The following CCDC88C variants were observed in gnomAD, a reference collection of about 807,000 sequenced individuals.
CCDC88C encodes protein Daple.
Under a neutral mutation model 198.8 loss-of-function variants are expected in CCDC88C, and 131 were observed. The observed-to-expected ratio is 0.66, with a 90% CI of 0.57 to 0.76. The LOEUF is 0.76. CCDC88C is among the 30% of genes least tolerant of loss of function. The pLI is 0.00. For missense variants in CCDC88C, 2,553 were observed against 2,631.6 expected, an observed-to-expected ratio of 0.97 and a Z score of 0.65; for synonymous variants, 1,166 against 1,114.7, an observed-to-expected ratio of 1.05 and a Z score of -0.92.
At chr14:91,285,524 G>T in intron 25 of CCDC88C, 4 of 644,530 alleles carry the variant, frequency 6.2e-6, no homozygotes, top group Non-Finnish European at 9.5e-6. Context: ...CAGAATCCAC[G>T]CTGGCTACTT....
At position 91,362,433 on chromosome 14, in the gene CCDC88C, T is replaced by C. The variant is rs140434532; in HGVS notation, c.271-2722A>G. On this transcript the variant is annotated intron_variant, in intron 3 of 29. Transcript: ENST00000389857. The stretch of plus-strand genomic sequence containing the variant: ...CAATATGTGAAATCATCCTGTTTTG[T>C]TGTTTTGTTTTTTGAAATAATCTGA... 8.8e-5 allele frequency among the ~76,000 whole-genome samples: 12 copies of C among 136,394 alleles called. No homozygotes were observed. The East Asian group carries it at 2.0e-3, about 23-fold the overall frequency. 89.5% of individuals were successfully genotyped at this position (136,394 alleles called of 152,430 possible).
chr14:91,292,839 C>A (rs1596030226), intron 23 of CCDC88C, among the ~76,000 whole-genome samples: 1 of 152,278 alleles, frequency 6.6e-6, no homozygotes, highest in East Asian at 1.9e-4. Flanking sequence ...CGTCCCCTTG[C>A]CTTCTATTTC....
rs1435498498 is a variant in CCDC88C at position 91,366,146 on chromosome 14, TAA to T, written c.271-6437_271-6436del. On this transcript the variant is annotated intron_variant, in intron 3 of 29. Transcript: ENST00000389857. Reference sequence around the variant, plus strand: ...CAGCTGTGAACATGACAGACCTACTTAAAAAATACACACACACACACACACAC... The same window carrying T: ...CAGCTGTGAACATGACAGACCTACTTAAAATACACACACACACACACACAC... Among the ~76,000 whole-genome samples the T allele has an allele frequency of 2.4e-3, 299 of 125,608 alleles. 6 individuals carry two copies. In the East Asian group the frequency reaches 0.063, roughly 26 times the overall value. The allele number at this position is 125,608 out of a possible 152,430, so 82.4% of individuals were successfully genotyped here.
chr14:91,386,733 T>C (rs1168959955), intron 3 of CCDC88C, among the ~76,000 whole-genome samples: 1 of 152,236 alleles, frequency 6.6e-6, no homozygotes, highest in East Asian at 1.9e-4. Flanking sequence ...GAGGGAAGCC[T>C]TGTGGATTCC....
chr14:91,375,665 T>C (rs890477273), intron 3 of CCDC88C, among the ~76,000 whole-genome samples: 2 of 152,148 alleles, frequency 1.3e-5, no homozygotes, highest in Non-Finnish European at 1.5e-5. Flanking sequence ...GCTGTTCCCA[T>C]GGCCAAGCCA....
In CCDC88C at chr14:91,313,251, C is replaced by T; in HGVS notation, c.2565G>A (p.Leu855=). The change falls in exon 15 of 30, where the codon TTG becomes TTA. Residue 855 remains leucine (L), a synonymous_variant. Transcript: ENST00000389857. This position sits in a 1 kb window ranked among gnomAD's most constrained non-coding sequence, Gnocchi z 5.2. ...WQQVELKDAV[L]DDSTAKLSAV... ...CGGACAGTTTGGCAGTGCTATCGTCCAAGACTGCATCCTTGAGCTCCACCT... is the reference window on the plus strand; with the variant it reads ...CGGACAGTTTGGCAGTGCTATCGTCTAAGACTGCATCCTTGAGCTCCACCT... 6.2e-7 allele frequency: 1 copy of T among 1,614,028 alleles called. No individual in the cohort carries two copies. The highest frequency in any genetic ancestry group is 1.7e-5 in the Admixed American group (1 of 60,036).
At chr14:91,393,909 T>G (rs976073067) in intron 3 of CCDC88C, among the ~76,000 whole-genome samples, 13 of 152,292 alleles carry the variant, frequency 8.5e-5, no homozygotes, top group African/African-American at 2.9e-4. Flanking sequence ...ATGCCACAAA[T>G]TCTCACCCTA....
chr14:91,365,560 G>T (rs534774764), intron 3 of CCDC88C, among the ~76,000 whole-genome samples: 6 of 152,172 alleles, frequency 3.9e-5, no homozygotes, highest in Non-Finnish European at 8.8e-5. Context: ...CGTTCGCCAC[G>T]GGCTCAATGT....
chr14:91,380,817 C>T (rs1050965780), intron 3 of CCDC88C, among the ~76,000 whole-genome samples: 7 of 152,132 alleles, frequency 4.6e-5, no homozygotes, highest in African/African-American at 1.7e-4. Context: ...GTGGAAGCTG[C>T]AGTCCCCAGG....
At chr14:91,321,039 T>C (rs775253895) in intron 13 of CCDC88C, 81 bp downstream of exon 13, 45 of 1,347,898 alleles carry the variant, frequency 3.3e-5, no homozygotes, top group Non-Finnish European at 4.5e-5. Context: ...TCCTTGTCTG[T>C]GCTCCAGACA....
At chr14:91,321,349 A>G in intron 12 of CCDC88C, 45 bp from the exon 13 acceptor site, 1 of 1,533,220 alleles carries the variant, frequency 6.5e-7, no homozygotes, top group South Asian at 1.2e-5. Flanking sequence ...GTGGGCCTCC[A>G]CTTCCACTCT....
chr14:91,318,918 A>AAAAG (rs1892229135), intron 13 of CCDC88C, among the ~76,000 whole-genome samples: 1 of 20,792 alleles, frequency 4.8e-5, no homozygotes, highest in Admixed American at 4.6e-4. Context: ...GACTCCGTCC[A>AAAAG]AAAAAAAAAA....
chr14:91,337,914 C>T, intron 10 of CCDC88C, 91 bp downstream of exon 10: 1 of 1,506,174 alleles, frequency 6.6e-7, no homozygotes, highest in Non-Finnish European at 9.1e-7. Flanking sequence ...TGGCTCCGCT[C>T]CTCCAAGCCC....
chr14:91,413,563 G>C (rs771764118), intron 2 of CCDC88C, among the ~76,000 whole-genome samples: 4 of 152,196 alleles, frequency 2.6e-5, no homozygotes, highest in Non-Finnish European at 5.9e-5. Context: ...TGTTGACAGA[G>C]GGGCTATTGA....
intron 10 of CCDC88C, among the ~76,000 whole-genome samples, chr14:91,336,577 G>A (rs1321904634): frequency 6.6e-6 from 1 of 151,792 alleles, no homozygotes. Flanking sequence ...ATCTGTGCCA[G>A]AGATTCGTGC....
At chr14:91,373,744 C>A (rs575467262) in intron 3 of CCDC88C, among the ~76,000 whole-genome samples, 17 of 152,150 alleles carry the variant, frequency 1.1e-4, no homozygotes, top group Non-Finnish European at 2.5e-4. Context: ...ACTAATATCT[C>A]GGCAGGAAGT....
intron 3 of CCDC88C, among the ~76,000 whole-genome samples, chr14:91,373,144 C>G (rs1894901852): frequency 6.6e-6 from 1 of 152,162 alleles, no homozygotes; most frequent in Non-Finnish European, 1.5e-5. Flanking sequence ...GTCCCCAGCC[C>G]CTGGGCTCAG....
rs559463655 is a variant in CCDC88C, at chr14:91,295,624, C to T, written c.3967-1306G>A. ...GCTGCTCTTCCACCTCATTAGATGC[C>T]GGGCAACAAACCAACCCAATGTAAG... On this transcript the variant is annotated intron_variant, in intron 22 of 29. Transcript: ENST00000389857. Among the ~76,000 whole-genome samples the T allele has an allele frequency of 2.1e-3, 321 of 152,286 alleles. 5 individuals carry two copies. Among genetic ancestry groups the T allele is most frequent in the East Asian group, 1.7e-3 (9 of 5,184 alleles).
At chr14:91,405,622 G>T (rs1022614421) in intron 3 of CCDC88C, among the ~76,000 whole-genome samples, 2 of 152,160 alleles carry the variant, frequency 1.3e-5, no homozygotes, top group African/African-American at 4.8e-5. Context: ...ATTCACTCAA[G>T]AACTGAAAGG....
Sources: allele counts gnomAD v4.1 joint callset (sites outside exome capture counted in the v4.1 genomes callset), GRCh38; gene constraint gnomAD v4.1.1; non-coding constraint Gnocchi (gnomAD v3.1); transcripts MANE v1.5; gene names NCBI Gene and HGNC (gene_info 2026-07-23, HGNC 2026-07-21).